SPDEF: variants seen among roughly 807,000 people sequenced by gnomAD.
SPDEF encodes SAM pointed domain containing ETS transcription factor.
Under a neutral mutation model 36.0 loss-of-function variants are expected in SPDEF, and 12 were observed. The observed-to-expected ratio is 0.33, with a 90% CI of 0.21 to 0.54. SPDEF has a LOEUF of 0.54. SPDEF is among the 20% of genes least tolerant of loss of function. The pLI, the probability that SPDEF is intolerant of heterozygous loss-of-function variation, is 0.93. For synonymous variants in SPDEF, 205 were observed against 193.0 expected (o/e 1.06, Z -0.51); for missense variants, 388 against 456.9 (o/e 0.85, Z 1.37).
chr6:34,542,308 A>C (rs927636195), intron 2 of SPDEF, among the ~76,000 whole-genome samples: 3 of 152,212 alleles, frequency 2.0e-5, no homozygotes, highest in Admixed American at 6.5e-5. Flanking sequence ...GACTGCCTGA[A>C]GCTGGAGAGG....
At chr6:34,543,195 C>CAAAAAAAAAAAAAAAAAAAAAAAAA (rs56021909) in intron 2 of SPDEF, among the ~76,000 whole-genome samples, 10 of 69,140 alleles carry the variant, frequency 1.4e-4, no homozygotes, top group Non-Finnish European at 1.7e-4. Flanking sequence ...GACTCCATCT[C>CAAAAAAAAAAAAAAAAAAAAAAAAA]AAAAAAAAAA....
At chr6:34,548,084 C>T (rs1180887484) in intron 1 of SPDEF, among the ~76,000 whole-genome samples, 1 of 152,202 alleles carries the variant, frequency 6.6e-6, no homozygotes, top group Non-Finnish European at 1.5e-5. Flanking sequence ...GAGAACGGCA[C>T]TGTGAGCCCC....
In SPDEF at chr6:34,544,596, G is replaced by C. The variant is rs1468027745; in HGVS notation, c.-29-112C>G. 3 of 852,374 alleles carry C rather than the reference G, an allele frequency of 3.5e-6. No homozygotes were observed. The highest frequency in any genetic ancestry group is 5.1e-6 in the Non-Finnish European group (3 of 591,288). The allele number at this position is 852,374 out of a possible 1,614,324, so 52.8% of individuals were successfully genotyped here. A position where few individuals can be genotyped will look rare whatever the true frequency, so the allele number is the denominator to read the frequency against. ...TGGACAGTGGGCTGGGCCTGGGACA[G>C]AGTTGGGGGCTTCCGGGTCATTGGG... is the stretch of plus-strand genomic sequence containing the variant. On this transcript the variant is annotated intron_variant, in intron 1 of 5. Transcript: ENST00000374037. This position sits in a 1 kb window ranked among gnomAD's most constrained non-coding sequence, Gnocchi z 4.4.
At chr6:34,548,028 A>C (rs1767989710) in intron 1 of SPDEF, among the ~76,000 whole-genome samples, 1 of 152,178 alleles carries the variant, frequency 6.6e-6, no homozygotes, top group African/African-American at 2.4e-5. Flanking sequence ...CCCAACCTGC[A>C]ACTAGGCGTC....
At chr6:34,540,947 C>A (rs1192388708) in intron 3 of SPDEF, 37 bp downstream of exon 3, 12 of 1,585,276 alleles carry the variant, frequency 7.6e-6, no homozygotes, top group Non-Finnish European at 9.5e-6. Context: ...TGGCTTGGAG[C>A]CTGGGAGGGG....
chr6:34,538,248 C>A lies in SPDEF; in HGVS notation c.*26G>T. 2 of 1,602,372 alleles carry A rather than the reference C, an allele frequency of 1.2e-6. No individual in the cohort carries two copies. Among genetic ancestry groups the A allele is most frequent in the Non-Finnish European group, 1.7e-6 (2 of 1,172,152 alleles). Reference sequence around the variant, plus strand: ...CAGGCAGGAGAGAGGCCCCTGAGGGCGGGTTTCAGGCCCTGGGCCAGGCAC... The same window carrying A: ...CAGGCAGGAGAGAGGCCCCTGAGGGAGGGTTTCAGGCCCTGGGCCAGGCAC... On this transcript the variant is annotated 3_prime_UTR_variant, in exon 6 of 6. Transcript: ENST00000374037. The surrounding 1 kb of genome is among the most constrained non-coding windows in gnomAD (Gnocchi z 5.9).
In SPDEF at chr6:34,539,838, G is replaced by C. The variant is rs767456262; in HGVS notation, c.635-276C>G. ...ACATCTGACATGGGGGCTTGCCTGG[G>C]CTGGGGCGGGGCACTGGTCTCTGAC... is the stretch of plus-strand genomic sequence containing the variant. On this transcript the variant is annotated intron_variant, in intron 3 of 5. Transcript: ENST00000374037. This position sits in a 1 kb window ranked among gnomAD's most constrained non-coding sequence, Gnocchi z 5.2. Among the ~76,000 whole-genome samples, 4 of 152,222 alleles carry C rather than the reference G, an allele frequency of 2.6e-5. No homozygotes were observed. Among genetic ancestry groups the C allele is most frequent in the Admixed American group, 2.0e-4 (3 of 15,282 alleles).
In SPDEF at chr6:34,539,563, C is replaced by T; in HGVS notation, c.635-1G>A. 1 of 1,568,014 alleles carries T rather than the reference C, an allele frequency of 6.4e-7. No individual in the cohort carries two copies. The highest frequency in any genetic ancestry group is 8.6e-7 in the Non-Finnish European group (1 of 1,157,104). On this transcript the variant is annotated splice_acceptor_variant, in intron 3 of 5. Coordinates refer to ENST00000374037, the MANE Select transcript of SPDEF (RefSeq NM_012391.3). LOFTEE classifies it high-confidence loss of function. The surrounding 1 kb of genome is among the most constrained non-coding windows in gnomAD (Gnocchi z 5.2). ...GAAGTCCGCTCTTTCATCCAGGCCGCTGCAGGGCAAGGAGAGGGGGTTGGG... is the reference window on the plus strand; with the variant it reads ...GAAGTCCGCTCTTTCATCCAGGCCGTTGCAGGGCAAGGAGAGGGGGTTGGG...
intron 1 of SPDEF, among the ~76,000 whole-genome samples, chr6:34,546,633 T>A (rs1767958986): frequency 6.6e-6 from 1 of 152,012 alleles, no homozygotes. Flanking sequence ...CCACCCTCCT[T>A]GTGCAGTGCC....
At position 34,544,416 on chromosome 6, in the gene SPDEF, T is replaced by G; in HGVS notation, c.40A>C (p.Ser14Arg). ...GTGTCGGGGGGCAGCAGGAGGTGGC[T>G]GGGGGATACGCTGCTCAGACCCGGG... is the stretch of plus-strand genomic sequence containing the variant. ...ASPGLSSVSPSHLLLPPDTVS... is the reference protein window; with the variant it reads ...ASPGLSSVSPRHLLLPPDTVS... The change falls in exon 2 of 6, where the codon AGC becomes CGC. Residue 14 changes from serine (S) to arginine (R), a missense_variant. Transcript: ENST00000374037. The surrounding 1 kb of genome is among the most constrained non-coding windows in gnomAD (Gnocchi z 4.4). 6.3e-7 allele frequency: 1 copy of G among 1,585,996 alleles called. No individual in the cohort carries two copies. Among genetic ancestry groups the G allele is most frequent in the Non-Finnish European group, 8.6e-7 (1 of 1,164,194 alleles).
intron 1 of SPDEF, among the ~76,000 whole-genome samples, chr6:34,550,345 A>G (rs1768032942): frequency 6.6e-6 from 1 of 152,190 alleles, no homozygotes; most frequent in Admixed American, 6.5e-5. Context: ...TTCACTGCCC[A>G]GAGCACCACT....
chr6:34,556,285 G>A lies in SPDEF; in HGVS notation c.-386C>T, dbSNP rs965067323. On this transcript the variant is annotated 5_prime_UTR_variant, in exon 1 of 6. Transcript: ENST00000374037. ...TGTGGGGCAGTGTGGACACGGCAGAGTGCAGGAATGTGCTGGGAGGAAGTC... is the reference window on the plus strand; with the variant it reads ...TGTGGGGCAGTGTGGACACGGCAGAATGCAGGAATGTGCTGGGAGGAAGTC... The A allele has an allele frequency of 6.6e-6, 1 of 152,524 alleles. No individual in the cohort carries two copies. The highest frequency in any genetic ancestry group is 1.5e-5 in the Non-Finnish European group (1 of 68,270). 9.4% of individuals were successfully genotyped at this position (152,524 alleles called of 1,614,324 possible). A position where few individuals can be genotyped will look rare whatever the true frequency, so the allele number is the denominator to read the frequency against.
At position 34,556,167 on chromosome 6, in the gene SPDEF, C is replaced by T. The variant is rs1353102357; in HGVS notation, c.-268G>A. On this transcript the variant is annotated 5_prime_UTR_variant, in exon 1 of 6. Transcript: ENST00000374037. ...GGGCTGCGTGCCTGTAGGGAGTCCC[C>T]TACCCCCAGCCCAGGGCTGCCTGCT... 6.6e-6 allele frequency: 1 copy of T among 152,258 alleles called. No individual in the cohort carries two copies. The highest frequency in any genetic ancestry group is 1.5e-5 in the Non-Finnish European group (1 of 68,086). 9.4% of individuals were successfully genotyped at this position (152,258 alleles called of 1,614,324 possible). A position where few individuals can be genotyped will look rare whatever the true frequency, so the allele number is the denominator to read the frequency against.
At chr6:34,554,646 G>C (rs1366574163) in intron 1 of SPDEF, among the ~76,000 whole-genome samples, 2 of 152,244 alleles carry the variant, frequency 1.3e-5, no homozygotes. Context: ...CTGTGAGTTT[G>C]GGGTGGTGGG....
intron 1 of SPDEF, among the ~76,000 whole-genome samples, chr6:34,553,952 A>C (rs1365823963): frequency 6.8e-6 from 1 of 146,402 alleles, no homozygotes; most frequent in Non-Finnish European, 1.5e-5. Context: ...CGCCCAGGAG[A>C]CCGGCTGGCA....
chr6:34,546,970 C>T (rs1357676914), intron 1 of SPDEF, among the ~76,000 whole-genome samples: 1 of 151,710 alleles, frequency 6.6e-6, no homozygotes, highest in African/African-American at 2.4e-5. Context: ...GCCCTACCCG[C>T]TAGGTGGCTC....
rs1248984682 is a variant in SPDEF at position 34,541,198 on chromosome 6, C to T, written c.437-17G>A. ...CCATGGGATCTGGGCAAGAGGCATC[C>T]CCTCAGCTCAGGGGTGGCCTGAGAG... On this transcript the variant is annotated splice_polypyrimidine_tract_variant and intron_variant, in intron 2 of 5. Coordinates refer to ENST00000374037, the MANE Select transcript of SPDEF (RefSeq NM_012391.3). The T allele has an allele frequency of 2.1e-5, 33 of 1,581,224 alleles. No individual in the cohort carries two copies. The highest frequency in any genetic ancestry group is 2.8e-5 in the Non-Finnish European group (32 of 1,162,156).
chr6:34,539,692 C>A lies in SPDEF; in HGVS notation c.635-130G>T. ...TGGGGGTTGCCCCTGTGGCTCCCTGCCTCCTGCCAACCTGGGGAGGCAAGC... is the reference window on the plus strand; with the variant it reads ...TGGGGGTTGCCCCTGTGGCTCCCTGACTCCTGCCAACCTGGGGAGGCAAGC... On this transcript the variant is annotated intron_variant, in intron 3 of 5. Coordinates refer to ENST00000374037, the MANE Select transcript of SPDEF (RefSeq NM_012391.3). The surrounding 1 kb of genome is among the most constrained non-coding windows in gnomAD (Gnocchi z 5.2). The A allele has an allele frequency of 9.6e-7, 1 of 1,045,292 alleles. No homozygotes were observed. Among genetic ancestry groups the A allele is most frequent in the Non-Finnish European group, 1.4e-6 (1 of 693,006 alleles). The allele number at this position is 1,045,292 out of a possible 1,614,324, so 64.8% of individuals were successfully genotyped here.
At chr6:34,553,176 T>A (rs910523760) in intron 1 of SPDEF, among the ~76,000 whole-genome samples, 11 of 151,892 alleles carry the variant, frequency 7.2e-5, no homozygotes, top group Middle Eastern at 6.3e-3. Flanking sequence ...AGCCTCTCCC[T>A]CCCCAAGTCT....
Sources: gnomAD v4.1 joint callset for allele counts (sites outside exome capture counted in the v4.1 genomes callset) on GRCh38, gnomAD v4.1.1 for gene constraint, Gnocchi (gnomAD v3.1) non-coding constraint, MANE v1.5 for transcripts, NCBI Gene and HGNC (gene_info 2026-07-23, HGNC 2026-07-21) for gene names.